Variants in PCDH15 observed in about 807,000 individuals in gnomAD.
PCDH15 encodes the protein protocadherin-15.
A neutral mutation model predicts 178.5 loss-of-function variants in PCDH15; 129 were observed. The observed-to-expected ratio is 0.72, with a 90% CI of 0.63 to 0.84. The LOEUF (loss-of-function observed/expected upper bound fraction) is 0.84, where lower values mean the gene tolerates loss of function less well. Ranked by LOEUF, PCDH15 falls within the 40% of genes least tolerant of loss-of-function variation. PCDH15 has a pLI of 0.00. For synonymous variants in PCDH15, 800 were observed against 732.0 expected (o/e 1.09, Z -1.50); for missense variants, 2,230 against 2,099.9 (o/e 1.06, Z -1.21).
intron 21 of PCDH15, among the ~76,000 whole-genome samples, chr10:53,975,333 T>C (rs1025735943): frequency 2.0e-5 from 3 of 152,028 alleles, no homozygotes; most frequent in East Asian, 1.9e-4. Context: ...GATGATTCCA[T>C]TTTAGGTTAA....
intron 2 of PCDH15, among the ~76,000 whole-genome samples, chr10:55,160,087 G>A (rs535874696): frequency 3.9e-5 from 6 of 151,962 alleles, no homozygotes; most frequent in South Asian, 4.1e-4. Context: ...TCTCTGTTTC[G>A]CTACCAGTGA....
intron 2 of PCDH15, among the ~76,000 whole-genome samples, chr10:55,367,549 T>G (rs566388079): frequency 6.6e-6 from 1 of 151,918 alleles, no homozygotes; most frequent in South Asian, 2.1e-4. Context: ...CCACTGTACC[T>G]CAGCCTGGGC....
At chr10:53,882,383 T>A (rs1016726959) in intron 26 of PCDH15, among the ~76,000 whole-genome samples, 3 of 152,156 alleles carry the variant, frequency 2.0e-5, no homozygotes, top group African/African-American at 7.2e-5. Flanking sequence ...TCCCACTTTC[T>A]CTCTCAAATG....
At chr10:55,056,610 T>TTTTTTATTA (rs369072989) in intron 2 of PCDH15, among the ~76,000 whole-genome samples, 4 of 142,990 alleles carry the variant, frequency 2.8e-5, no homozygotes, top group African/African-American at 1.0e-4. Context: ...TTTATTTTGT[T>TTTTTTATTA]TTATTATTAT....
chr10:54,969,682 A>G (rs899722757), intron 2 of PCDH15, among the ~76,000 whole-genome samples: 1 of 152,170 alleles, frequency 6.6e-6, no homozygotes, highest in Non-Finnish European at 1.5e-5. Context: ...AGATACCTTC[A>G]TGCTTCACCT....
intron 31 of PCDH15, 54 bp downstream of exon 31, chr10:53,828,511 G>T: frequency 1.4e-6 from 2 of 1,426,414 alleles, no homozygotes; most frequent in African/African-American, 1.4e-5. Context: ...ATAATCTCGG[G>T]TTTCTCTTTT....
chr10:53,975,524 G>A lies in PCDH15; in HGVS notation c.2869-13632C>T, dbSNP rs143829763. Among the ~76,000 whole-genome samples the A allele has an allele frequency of 4.2e-3, 646 of 152,178 alleles. 7 individuals carry two copies. Among genetic ancestry groups the A allele is most frequent in the African/African-American group, 0.015 (616 of 41,510 alleles). ...CTGTGGTTTTGATTTGTGTTTCTCT[G>A]ATTATTAGTGATGAACATTTTTTCT... On this transcript the variant is annotated intron_variant, in intron 21 of 37. Transcript: ENST00000644397.
intron 2 of PCDH15, among the ~76,000 whole-genome samples, chr10:54,904,092 T>C (rs1954682113): frequency 6.6e-6 from 1 of 152,108 alleles, no homozygotes. Context: ...ATTTTATATA[T>C]GTCAATGAAA....
intron 1 of PCDH15, among the ~76,000 whole-genome samples, chr10:55,211,442 T>C (rs1489997908): frequency 6.6e-6 from 1 of 152,076 alleles, no homozygotes; most frequent in African/African-American, 2.4e-5. Flanking sequence ...CAAGGAAAGC[T>C]AGTAAACAAT....
At chr10:55,446,804 G>T (rs1377649955) in intron 2 of PCDH15, among the ~76,000 whole-genome samples, 1 of 152,046 alleles carries the variant, frequency 6.6e-6, no homozygotes, top group Admixed American at 6.6e-5. Context: ...GACATATATG[G>T]TGCTGAGTCT....
At chr10:54,183,126 C>T (rs1435360555) in intron 13 of PCDH15, among the ~76,000 whole-genome samples, 8 of 152,026 alleles carry the variant, frequency 5.3e-5, no homozygotes, top group Non-Finnish European at 8.8e-5. Flanking sequence ...GGATTACAGG[C>T]ATGCGCCACC....
chr10:55,439,889 T>A (rs1236821995), intron 2 of PCDH15, among the ~76,000 whole-genome samples: 2 of 152,042 alleles, frequency 1.3e-5, no homozygotes, highest in Non-Finnish European at 2.9e-5. Flanking sequence ...AAAATAAAAC[T>A]CTAAAATTTA....
intron 2 of PCDH15, among the ~76,000 whole-genome samples, chr10:55,382,578 T>G (rs1837562859): frequency 6.6e-6 from 1 of 152,228 alleles, no homozygotes; most frequent in Non-Finnish European, 1.5e-5. Flanking sequence ...TTCTTGATTT[T>G]AACCCAGTGA....
chr10:54,448,662 G>T (rs1343965660), intron 3 of PCDH15, among the ~76,000 whole-genome samples: 1 of 151,566 alleles, frequency 6.6e-6, no homozygotes, highest in Non-Finnish European at 1.5e-5. Flanking sequence ...TGTTAAAGCT[G>T]TAAGTTACAA....
chr10:54,020,311 T>G lies in PCDH15; in HGVS notation c.2632A>C (p.Arg878=). 2 of 1,613,852 alleles carry G rather than the reference T, an allele frequency of 1.2e-6. No homozygotes were observed. Among genetic ancestry groups the G allele is most frequent in the Non-Finnish European group, 1.7e-6 (2 of 1,179,808 alleles). ...HPFTGELSLL[R]SLDYEAFPDQ... ...GGAAATGCCTCATAATCTAAACTCCTTAAAAGCGATAGTTCTCCTGTAAAT... is the reference window on the plus strand; with the variant it reads ...GGAAATGCCTCATAATCTAAACTCCGTAAAAGCGATAGTTCTCCTGTAAAT... Residue 878 remains arginine (R), a synonymous_variant, in exon 20 of 38, where the codon AGG becomes CGG. Transcript: ENST00000644397.
At chr10:54,310,219 G>A (rs988093045) in intron 8 of PCDH15, among the ~76,000 whole-genome samples, 2 of 152,046 alleles carry the variant, frequency 1.3e-5, no homozygotes, top group Non-Finnish European at 2.9e-5. Context: ...TTCATTTGGT[G>A]TATGATGGAA....
chr10:54,147,251 T>C (rs935806141), intron 14 of PCDH15, among the ~76,000 whole-genome samples: 1 of 151,512 alleles, frequency 6.6e-6, no homozygotes, highest in Non-Finnish European at 1.5e-5. Context: ...CAGGTCCCAC[T>C]TGATATTTCA....
intron 1 of PCDH15, among the ~76,000 whole-genome samples, chr10:54,697,685 A>AAGGGAGGGAGGG (rs1555156461): frequency 1.3e-5 from 1 of 75,612 alleles, no homozygotes; most frequent in Non-Finnish European, 2.6e-5. Flanking sequence ...GGAAGGGAGG[A>AAGGGAGGGAGGG]AGGGAGGAAG....
chr10:54,744,842 A>T (rs1351290635), intron 1 of PCDH15, among the ~76,000 whole-genome samples: 1 of 152,120 alleles, frequency 6.6e-6, no homozygotes, highest in Non-Finnish European at 1.5e-5. Context: ...ATCCACGTAA[A>T]CAGACACCTG....
Sources: allele counts gnomAD v4.1 joint callset (sites outside exome capture counted in the v4.1 genomes callset), GRCh38; gene constraint gnomAD v4.1.1; transcripts MANE v1.5; gene names NCBI Gene and HGNC (gene_info 2026-07-23, HGNC 2026-07-21).